Variants in UTRN observed in about 807,000 individuals in gnomAD.
The protein encoded by UTRN is utrophin.
Under a neutral mutation model 463.9 loss-of-function variants are expected in UTRN, and 283 were observed. The ratio of observed to expected loss-of-function variants is 0.61; its 90% CI spans 0.55 to 0.67. UTRN has a LOEUF of 0.67. Ranked by LOEUF, UTRN falls within the 30% of genes least tolerant of loss-of-function variation. UTRN has a pLI of 0.00. For synonymous variants in UTRN, 1,442 were observed against 1,431.5 expected (o/e 1.01, Z -0.17); for missense variants, 3,922 against 4,084.3 (o/e 0.96, Z 1.08).
At chr6:144,440,999 C>T (rs562625185) in intron 13 of UTRN, among the ~76,000 whole-genome samples, 9 of 152,232 alleles carry the variant, frequency 5.9e-5, no homozygotes, top group East Asian at 3.9e-4. Context: ...GAGAGACCTG[C>T]GCCCATGAAT....
intron 51 of UTRN, among the ~76,000 whole-genome samples, chr6:144,649,664 ACTT>A (rs1778611414): frequency 6.6e-6 from 1 of 152,082 alleles, no homozygotes; most frequent in Non-Finnish European, 1.5e-5. Context: ...CTTAAAGGGA[ACTT>A]CTTTTTTTTT....
intron 61 of UTRN, 31 bp from the exon 62 acceptor site, chr6:144,789,163 A>T: frequency 6.4e-7 from 1 of 1,556,834 alleles, no homozygotes; most frequent in Admixed American, 1.7e-5. Flanking sequence ...TTTTAAATGC[A>T]TCTAACACAT....
chr6:144,570,275 T>G (rs1284561246), intron 50 of UTRN, among the ~76,000 whole-genome samples: 1 of 151,972 alleles, frequency 6.6e-6, no homozygotes, highest in Non-Finnish European at 1.5e-5. Flanking sequence ...TAAAAAAAAG[T>G]AAAATGTAGA....
At chr6:144,320,104 C>T (rs1054639684) in intron 2 of UTRN, among the ~76,000 whole-genome samples, 2 of 150,944 alleles carry the variant, frequency 1.3e-5, no homozygotes, top group Admixed American at 6.6e-5. Flanking sequence ...CGCCCGCCTC[C>T]GCCTCCCAAA....
intron 53 of UTRN, among the ~76,000 whole-genome samples, chr6:144,704,478 C>T (rs1784880622): frequency 6.6e-6 from 1 of 152,152 alleles, no homozygotes; most frequent in Admixed American, 6.5e-5. Flanking sequence ...TAGAACATGA[C>T]ACAGTACAGA....
At chr6:144,466,762 C>T (rs999287775) in intron 23 of UTRN, among the ~76,000 whole-genome samples, 2 of 152,172 alleles carry the variant, frequency 1.3e-5, no homozygotes, top group Non-Finnish European at 2.9e-5. Context: ...TTTCATATTA[C>T]GTACTTCCTT....
intron 51 of UTRN, among the ~76,000 whole-genome samples, chr6:144,664,432 C>T (rs888380702): frequency 2.7e-5 from 4 of 150,896 alleles, no homozygotes; most frequent in African/African-American, 9.7e-5. Flanking sequence ...TGAGTTTGTT[C>T]CACTTAGTAA....
In UTRN at chr6:144,566,333, G is replaced by T. The variant is rs986380412; in HGVS notation, c.7289+9022G>T. On this transcript the variant is annotated intron_variant, in intron 50 of 74. Transcript: ENST00000367545. The stretch of plus-strand genomic sequence containing the variant: ...TTTCCTAGGGTAAATATATGGTATT[G>T]CTGGGCAGTAATGAGTGCCTATTTG... Among the ~76,000 whole-genome samples the T allele has an allele frequency of 2.0e-5, 3 of 152,152 alleles. No individual in the cohort carries two copies. The East Asian group carries it at 5.8e-4, about 29-fold the overall frequency.
At chr6:144,813,179 T>TTA (rs1441301776) in intron 65 of UTRN, among the ~76,000 whole-genome samples, 3 of 151,292 alleles carry the variant, frequency 2.0e-5, no homozygotes, top group East Asian at 3.8e-4. Flanking sequence ...TTATTTTTAT[T>TTA]TTTATTTATT....
intron 44 of UTRN, 91 bp downstream of exon 44, chr6:144,537,808 A>G (rs1797662812): frequency 1.3e-6 from 2 of 1,503,830 alleles, no homozygotes; most frequent in Non-Finnish European, 8.9e-7. Context: ...GAAAAGGGAA[A>G]AGAAACTTTG....
At chr6:144,365,805 T>C (rs1562299170) in intron 2 of UTRN, among the ~76,000 whole-genome samples, 1 of 152,210 alleles carries the variant, frequency 6.6e-6, no homozygotes, top group Non-Finnish European at 1.5e-5. Context: ...TGGCGTGATC[T>C]CGGCTCACTG....
intron 51 of UTRN, among the ~76,000 whole-genome samples, chr6:144,638,329 T>C (rs182324899): frequency 1.3e-5 from 2 of 152,356 alleles, no homozygotes; most frequent in East Asian, 3.9e-4. Flanking sequence ...GTTTTTATTC[T>C]TTGAAATGTA....
At chr6:144,678,834 A>T (rs1781916601) in intron 52 of UTRN, among the ~76,000 whole-genome samples, 1 of 152,208 alleles carries the variant, frequency 6.6e-6, no homozygotes. Context: ...TAGTAACAAT[A>T]CTGTTAGCAA....
rs527731718 is a variant in UTRN, at chr6:144,610,789, C to A, written c.7479+33501C>A. On this transcript the variant is annotated intron_variant, in intron 51 of 74. Transcript: ENST00000367545. ...ACTTGAGAGGCTGAAGCAGGAGAAT[C>A]TCTTGAACCTTGGAGGCATAGGTTG... Among the ~76,000 whole-genome samples the A allele has an allele frequency of 2.6e-5, 4 of 152,276 alleles. No individual in the cohort carries two copies. In the East Asian group the frequency reaches 5.8e-4, roughly 22 times the overall value.
chr6:144,736,957 G>A (rs1789483970), intron 54 of UTRN, among the ~76,000 whole-genome samples: 1 of 152,134 alleles, frequency 6.6e-6, no homozygotes, highest in Non-Finnish European at 1.5e-5. Flanking sequence ...TGGTCATCCT[G>A]CCGGCTCTGC....
At chr6:144,631,187 A>AAGAGAG (rs977746405) in intron 51 of UTRN, among the ~76,000 whole-genome samples, 1 of 151,132 alleles carries the variant, frequency 6.6e-6, no homozygotes, top group Non-Finnish European at 1.5e-5. Flanking sequence ...GTAAAACCAA[A>AAGAGAG]AGAGAGAGAG....
At chr6:144,626,322 C>T (rs974035241) in intron 51 of UTRN, among the ~76,000 whole-genome samples, 11 of 152,178 alleles carry the variant, frequency 7.2e-5, no homozygotes, top group African/African-American at 2.2e-4. Context: ...CTTTCAGAGA[C>T]GTCTGCAGGT....
intron 51 of UTRN, among the ~76,000 whole-genome samples, chr6:144,621,566 C>G (rs545837976): frequency 6.6e-6 from 1 of 152,120 alleles, no homozygotes; most frequent in Admixed American, 6.5e-5. Flanking sequence ...TGTATATTCT[C>G]TCCTTGATGG....
chr6:144,703,997 T>G (rs934196773), intron 53 of UTRN, among the ~76,000 whole-genome samples: 4 of 152,090 alleles, frequency 2.6e-5, no homozygotes, highest in Non-Finnish European at 4.4e-5. Flanking sequence ...GTGGGAAGAA[T>G]CAGTGATGCA....
Sources: gnomAD v4.1 joint callset for allele counts (sites outside exome capture counted in the v4.1 genomes callset) on GRCh38, gnomAD v4.1.1 for gene constraint, MANE v1.5 for transcripts, NCBI Gene and HGNC (gene_info 2026-07-23, HGNC 2026-07-21) for gene names.